CHD7: variants seen among roughly 807,000 people sequenced by gnomAD.
CHD7 encodes chromodomain helicase DNA binding protein 7, also known as ATP-dependent chromatin remodeler CHD7.
CHD7 carries 24 observed loss-of-function variants against 307.3 expected under a neutral mutation model. The observed-to-expected ratio is 0.08, with a 90% confidence interval of 0.06 to 0.11. The LOEUF is 0.11. Ranked by LOEUF, CHD7 falls within the 10% of genes least tolerant of loss-of-function variation. The pLI, the probability that CHD7 is intolerant of heterozygous loss-of-function variation, is 1.00. For synonymous variants in CHD7, 1,363 were observed against 1,349.9 expected, an observed-to-expected ratio of 1.01 and a Z score of -0.21; for missense variants, 3,106 against 3,727.1, an observed-to-expected ratio of 0.83 and a Z score of 4.34.
intron 25 of CHD7, 100 bp downstream of exon 25, chr8:60,849,254 A>G: frequency 1.4e-6 from 1 of 722,664 alleles, no homozygotes; most frequent in South Asian, 2.1e-5. Flanking sequence ...ATTAATGAGG[A>G]TAGTTCCAAA....
chr8:60,859,933 G>A (rs1039010343), intron 34 of CHD7, among the ~76,000 whole-genome samples: 15 of 152,214 alleles, frequency 9.9e-5, no homozygotes, highest in Admixed American at 2.0e-4. Flanking sequence ...TGACTCCAGC[G>A]TAGTGGTGTG....
At chr8:60,809,667 T>TG (rs1812697835) in intron 7 of CHD7, 2 of 49,534 alleles carry the variant, frequency 4.0e-5, no homozygotes, top group African/African-American at 2.0e-4. Flanking sequence ...AAGGGAGTTT[T>TG]GAAAAAAAAA....
At chr8:60,782,805 G>T (rs899230578) in intron 3 of CHD7, among the ~76,000 whole-genome samples, 1 of 152,148 alleles carries the variant, frequency 6.6e-6, no homozygotes, top group African/African-American at 2.4e-5. Context: ...GGGATGTAAG[G>T]ATGAGGAAGA....
At chr8:60,794,254 T>G (rs986293179) in intron 3 of CHD7, among the ~76,000 whole-genome samples, 1 of 152,216 alleles carries the variant, frequency 6.6e-6, no homozygotes. Context: ...GTTTATGTCT[T>G]TTGTCTTATA....
intron 1 of CHD7, among the ~76,000 whole-genome samples, chr8:60,720,206 G>A (rs180790388): frequency 1.3e-5 from 2 of 152,152 alleles, no homozygotes; most frequent in African/African-American, 2.4e-5. Context: ...TTCAATGGCC[G>A]GTTGGGTCAT....
At chr8:60,703,242 A>C (rs955853243) in intron 1 of CHD7, among the ~76,000 whole-genome samples, 1 of 152,196 alleles carries the variant, frequency 6.6e-6, no homozygotes, top group Admixed American at 6.5e-5. Flanking sequence ...AATGTTACGC[A>C]TCCATCACCA....
At chr8:60,721,157 T>C (rs1807883073) in intron 1 of CHD7, among the ~76,000 whole-genome samples, 1 of 152,200 alleles carries the variant, frequency 6.6e-6, no homozygotes, top group African/African-American at 2.4e-5. Flanking sequence ...ACTCATATGT[T>C]GAAGCCCCTA....
intron 7 of CHD7, among the ~76,000 whole-genome samples, chr8:60,812,518 G>A (rs1812858615): frequency 6.6e-6 from 1 of 152,006 alleles, no homozygotes; most frequent in Admixed American, 6.6e-5. Flanking sequence ...CAAAAAATTA[G>A]CTGAGCATGG....
At chr8:60,803,787 A>G (rs1812423691) in intron 6 of CHD7, among the ~76,000 whole-genome samples, 1 of 152,268 alleles carries the variant, frequency 6.6e-6, no homozygotes, top group South Asian at 2.1e-4. Context: ...CACCTTTAAT[A>G]ACATTGGAAG....
intron 2 of CHD7, among the ~76,000 whole-genome samples, chr8:60,759,502 T>TCTCC (rs1457757574): frequency 1.4e-5 from 2 of 140,910 alleles, no homozygotes; most frequent in African/African-American, 5.2e-5. Context: ...TCCCTCTCCC[T>TCTCC]CTCCCTCCCT....
intron 1 of CHD7, among the ~76,000 whole-genome samples, chr8:60,686,318 A>G (rs975209275): frequency 1.3e-5 from 2 of 151,098 alleles, no homozygotes; most frequent in Admixed American, 1.3e-4. Context: ...TTTATATCTA[A>G]TACTATTTCT....
chr8:60,830,654 G>C (rs958784174), intron 15 of CHD7, 77 bp downstream of exon 15: 1 of 1,515,026 alleles, frequency 6.6e-7, no homozygotes, highest in African/African-American at 1.4e-5. Context: ...CCAGACTGGG[G>C]ATTTCATGGT....
At chr8:60,848,982 C>A in intron 24 of CHD7, 69 bp from the exon 25 acceptor site, 1 of 1,188,628 alleles carries the variant, frequency 8.4e-7, no homozygotes, top group Non-Finnish European at 1.3e-6. Context: ...GGCATGTGAG[C>A]TATGTATCAC....
intron 20 of CHD7, 44 bp from the exon 21 acceptor site, chr8:60,841,803 C>G: frequency 6.2e-7 from 1 of 1,608,070 alleles, no homozygotes; most frequent in Non-Finnish European, 8.5e-7. Context: ...AACCAAGAGC[C>G]ACTCTTTGAG....
chr8:60,824,013 C>T lies in CHD7; in HGVS notation c.3375C>T (p.Asp1125=). The T allele has an allele frequency of 6.2e-7, 1 of 1,612,284 alleles. No homozygotes were observed. Among genetic ancestry groups the T allele is most frequent in the Admixed American group, 1.7e-5 (1 of 59,950 alleles). The change falls in exon 13 of 38, where the codon GAC becomes GAT. Residue 1125 remains aspartate, a synonymous_variant. Coordinates refer to ENST00000423902, the MANE Select transcript of CHD7 (RefSeq NM_017780.4). Reference sequence around the variant, plus strand: ...TGTTGGAGGGACTCAAGATGATGGACTTGGTCAGTGACCATATTGGTGATT... The same window carrying T: ...TGTTGGAGGGACTCAAGATGATGGATTTGGTCAGTGACCATATTGGTGATT... The part of the protein sequence containing the change: ...CKLLEGLKMM[D]LEHKVLLTGT...
intron 6 of CHD7, among the ~76,000 whole-genome samples, chr8:60,802,926 A>T (rs1472562066): frequency 6.6e-6 from 1 of 152,238 alleles, no homozygotes; most frequent in Non-Finnish European, 1.5e-5. Context: ...TCTAGTTTAT[A>T]AGAAAATAAT....
chr8:60,725,824 AAC>A (rs1303228802), intron 1 of CHD7, among the ~76,000 whole-genome samples: 2 of 152,186 alleles, frequency 1.3e-5, no homozygotes, highest in Non-Finnish European at 2.9e-5. Flanking sequence ...TTTTAGGACC[AAC>A]ACACTCCAGG....
In CHD7 at chr8:60,742,404, C is replaced by A. The variant is rs1329360838; in HGVS notation, c.972C>A (p.Asn324Lys). 4.3e-6 allele frequency: 7 copies of A among 1,613,994 alleles called. No individual in the cohort carries two copies. Among genetic ancestry groups the A allele is most frequent in the Admixed American group, 3.3e-5 (2 of 60,030 alleles). The change falls in exon 2 of 38, where the codon AAC becomes AAA. Residue 324 changes from asparagine (N) to lysine (K), a missense_variant. Coordinates refer to ENST00000423902, the MANE Select transcript of CHD7 (RefSeq NM_017780.4). ...PYSNLNQGLV[N>K]NTGMNQNLGL... ...GTAACCTAAATCAGGGATTAGTTAA[C>A]AATACAGGGATGAATCAAAATTTAG...
chr8:60,809,262 C>T (rs1171903875), intron 7 of CHD7, among the ~76,000 whole-genome samples: 1 of 152,098 alleles, frequency 6.6e-6, no homozygotes, highest in Non-Finnish European at 1.5e-5. Context: ...CATGAGAGTT[C>T]AATGAAATAC....
Sources: allele counts gnomAD v4.1 joint callset (sites outside exome capture counted in the v4.1 genomes callset), GRCh38; gene constraint gnomAD v4.1.1; transcripts MANE v1.5; gene names NCBI Gene and HGNC (gene_info 2026-07-23, HGNC 2026-07-21).